ANKS1B: variants seen among roughly 807,000 people sequenced by gnomAD.
ANKS1B encodes the protein ankyrin repeat and sterile alpha motif domain-containing protein 1B.
A neutral mutation model predicts 148.3 loss-of-function variants in ANKS1B; 36 were observed. The observed-to-expected ratio is 0.24, with a 90% CI of 0.19 to 0.32. ANKS1B has a LOEUF of 0.32. Among genes scored for constraint, ANKS1B ranks in the 10% least tolerant of loss-of-function variants. The probability of loss-of-function intolerance (pLI) is 1.00; values close to 1 mark genes in which losing one functional copy is unlikely to be tolerated. For missense variants in ANKS1B, 1,157 were observed against 1,542.6 expected (o/e 0.75, Z 4.19); for synonymous variants, 542 against 560.8 (o/e 0.97, Z 0.47).
chr12:99,828,919 G>A (rs977331389), intron 1 of ANKS1B, among the ~76,000 whole-genome samples: 4 of 152,004 alleles, frequency 2.6e-5, no homozygotes, highest in African/African-American at 9.7e-5. Context: ...GGAGGCGGAA[G>A]TTGAAGTGAG....
At chr12:99,886,462 T>C (rs2092825661) in intron 1 of ANKS1B, among the ~76,000 whole-genome samples, 1 of 152,222 alleles carries the variant, frequency 6.6e-6, no homozygotes. Context: ...TTAATATCTT[T>C]ACCTTTCTCA....
intron 1 of ANKS1B, among the ~76,000 whole-genome samples, chr12:99,870,360 T>C (rs895271773): frequency 3.9e-5 from 6 of 152,240 alleles, no homozygotes; most frequent in Admixed American, 2.0e-4. Context: ...CCTCGGTTGA[T>C]TCCATGTCTT....
At chr12:99,467,633 T>C (rs1461356298) in intron 10 of ANKS1B, among the ~76,000 whole-genome samples, 1 of 152,166 alleles carries the variant, frequency 6.6e-6, no homozygotes, top group Admixed American at 6.5e-5. Flanking sequence ...CAAGCATTCT[T>C]ATACACCAAT....
intron 19 of ANKS1B, among the ~76,000 whole-genome samples, chr12:98,825,411 G>A (rs2099239910): frequency 6.6e-6 from 1 of 152,226 alleles, no homozygotes; most frequent in Non-Finnish European, 1.5e-5. Flanking sequence ...TAGAAAAAGT[G>A]TCTTTAGTGC....
chr12:99,114,977 CAG>C (rs1193464529), intron 15 of ANKS1B, among the ~76,000 whole-genome samples: 1 of 151,990 alleles, frequency 6.6e-6, no homozygotes, highest in African/African-American at 2.4e-5. Context: ...AAAAAAATAA[CAG>C]ACGCTGGTGA....
At chr12:99,977,436 A>G (rs915349806) in intron 1 of ANKS1B, among the ~76,000 whole-genome samples, 6 of 152,230 alleles carry the variant, frequency 3.9e-5, no homozygotes, top group African/African-American at 1.4e-4. Flanking sequence ...GGTGTGAGCC[A>G]CCACGTCCAG....
intron 15 of ANKS1B, among the ~76,000 whole-genome samples, chr12:99,134,607 T>G (rs1439887910): frequency 6.6e-6 from 1 of 151,360 alleles, no homozygotes; most frequent in Non-Finnish European, 1.5e-5. Flanking sequence ...TCTCTGTTTC[T>G]CTCTGTCTCT....
chr12:99,581,593 A>G (rs989897148), intron 9 of ANKS1B, among the ~76,000 whole-genome samples: 9 of 152,346 alleles, frequency 5.9e-5, no homozygotes, highest in Admixed American at 4.6e-4. Flanking sequence ...ACACACTGTT[A>G]AGAAAATGAA....
chr12:99,507,694 G>C (rs1052350049), intron 9 of ANKS1B, among the ~76,000 whole-genome samples: 10 of 151,876 alleles, frequency 6.6e-5, no homozygotes, highest in Non-Finnish European at 7.4e-5. Flanking sequence ...GCCCCCGCGG[G>C]AAGGAGTTGG....
chr12:99,260,550 A>G (rs952397640), intron 12 of ANKS1B, among the ~76,000 whole-genome samples: 7 of 152,190 alleles, frequency 4.6e-5, no homozygotes, highest in African/African-American at 1.4e-4. Flanking sequence ...AATATACAGA[A>G]ACGTTAAAGA....
chr12:99,715,543 G>T (rs545127523), intron 8 of ANKS1B, among the ~76,000 whole-genome samples: 2 of 152,184 alleles, frequency 1.3e-5, no homozygotes, highest in South Asian at 4.2e-4. Context: ...AAGCTTTATT[G>T]CTCACACAAA....
chr12:98,755,508 C>A (rs1487268253), intron 25 of ANKS1B, among the ~76,000 whole-genome samples: 26 of 152,130 alleles, frequency 1.7e-4, no homozygotes, highest in Admixed American at 2.6e-4. Context: ...TGCTTGCTTG[C>A]TGAATGAATG....
intron 17 of ANKS1B, among the ~76,000 whole-genome samples, chr12:98,981,434 C>A (rs1033571906): frequency 2.6e-5 from 4 of 152,116 alleles, no homozygotes; most frequent in African/African-American, 9.7e-5. Context: ...CTCCTGGGTT[C>A]AAGGGATTCT....
intron 17 of ANKS1B, among the ~76,000 whole-genome samples, chr12:98,870,238 C>T (rs371407606): frequency 6.6e-6 from 1 of 152,324 alleles, no homozygotes; most frequent in South Asian, 2.1e-4. Flanking sequence ...TATTACTGTG[C>T]TTTCGGGATC....
At chr12:99,648,708 G>C (rs2153432703) in intron 9 of ANKS1B, 1 of 1,614,104 alleles carries the variant, frequency 6.2e-7, no homozygotes, top group Middle Eastern at 1.7e-4. Context: ...CACCAGTGGA[G>C]GCTTACAGTG....
intron 15 of ANKS1B, among the ~76,000 whole-genome samples, chr12:99,111,037 C>T (rs553628729): frequency 1.2e-3 from 186 of 152,286 alleles, no homozygotes; most frequent in African/African-American, 4.1e-3. Flanking sequence ...GCTATCTGCC[C>T]GCACATCTGT....
chr12:99,836,404 G>A (rs986940398), intron 1 of ANKS1B, among the ~76,000 whole-genome samples: 1 of 151,970 alleles, frequency 6.6e-6, no homozygotes, highest in Non-Finnish European at 1.5e-5. Context: ...AGCACATCAG[G>A]AGCATCATAG....
At chr12:99,509,385 A>C (rs917937021) in intron 9 of ANKS1B, among the ~76,000 whole-genome samples, 1 of 151,962 alleles carries the variant, frequency 6.6e-6, no homozygotes, top group African/African-American at 2.4e-5. Context: ...GCAAAGGAAA[A>C]GTTCTTGAAG....
At chr12:98,876,521 CT>C (rs2099690763) in intron 17 of ANKS1B, among the ~76,000 whole-genome samples, 1 of 152,196 alleles carries the variant, frequency 6.6e-6, no homozygotes, top group African/African-American at 2.4e-5. Flanking sequence ...CGTTATGGGC[CT>C]TACACGTCTT....
Sources: allele counts gnomAD v4.1 joint callset (sites outside exome capture counted in the v4.1 genomes callset), GRCh38; gene constraint gnomAD v4.1.1; transcripts MANE v1.5; gene names NCBI Gene and HGNC (gene_info 2026-07-23, HGNC 2026-07-21).